Variants in ADGRD1 observed in about 807,000 individuals in gnomAD.
The protein encoded by ADGRD1 is G-protein coupled receptor 133.
ADGRD1 carries 77 observed loss-of-function variants against 113.4 expected under a neutral mutation model. The ratio of observed to expected loss-of-function variants is 0.68; its 90% CI spans 0.57 to 0.82. ADGRD1 has a LOEUF of 0.82. Ranked by LOEUF, ADGRD1 falls within the 40% of genes least tolerant of loss-of-function variation. ADGRD1 has a pLI of 0.00. For synonymous variants in ADGRD1, 474 were observed against 475.0 expected, an observed-to-expected ratio of 1.00 and a Z score of 0.03; for missense variants, 1,036 against 1,139.1, an observed-to-expected ratio of 0.91 and a Z score of 1.30.
At chr12:131,079,885 G>T (rs1267345277) in intron 14 of ADGRD1, among the ~76,000 whole-genome samples, 1 of 151,910 alleles carries the variant, frequency 6.6e-6, no homozygotes, top group Non-Finnish European at 1.5e-5. Context: ...CTTACTATAG[G>T]TTTATTAATT....
chr12:131,036,056 T>G (rs1881333636), intron 13 of ADGRD1, among the ~76,000 whole-genome samples: 1 of 152,176 alleles, frequency 6.6e-6, no homozygotes, highest in African/African-American at 2.4e-5. Context: ...TAAAAAGAAA[T>G]TAACTTTGGT....
At chr12:131,076,651 C>T (rs1885639245) in intron 13 of ADGRD1, 150 bp from the exon 14 acceptor site, 2 of 695,856 alleles carry the variant, frequency 2.9e-6, no homozygotes, top group Admixed American at 2.1e-5. Context: ...TGTGGGACCA[C>T]ACCCACAATG....
At chr12:130,976,385 T>C (rs184609196) in intron 4 of ADGRD1, among the ~76,000 whole-genome samples, 59 of 152,228 alleles carry the variant, frequency 3.9e-4, no homozygotes, top group African/African-American at 1.4e-3. Flanking sequence ...TGTGGCACAG[T>C]GTATCTCCAA....
In ADGRD1 at chr12:131,123,039, G is replaced by GTTTTTTTTTTTTTTTT. The variant is rs552353187; in HGVS notation, c.2175+2145_2175+2160dup. 6.0e-4 allele frequency among the ~76,000 whole-genome samples: 31 copies of GTTTTTTTTTTTTTTTT among 51,370 alleles called. 1 individual carries two copies. Among genetic ancestry groups the GTTTTTTTTTTTTTTTT allele is most frequent in the Middle Eastern group, 0.013 (1 of 78 alleles). The allele number at this position is 51,370 out of a possible 152,430, so 33.7% of individuals were successfully genotyped here. On this transcript the variant is annotated intron_variant, in intron 20 of 24. Transcript: ENST00000261654. ...ATTACATAATTGAATTACCTGGGGAGTTTTTTTTTTTTTTTTTTTTTTTTT... is the reference window on the plus strand; with the variant it reads ...ATTACATAATTGAATTACCTGGGGAGTTTTTTTTTTTTTTTTTTTTTTTTTTTTTTTTTTTTTTTTT...
chr12:131,048,143 C>T (rs1379602143), intron 13 of ADGRD1, among the ~76,000 whole-genome samples: 1 of 152,254 alleles, frequency 6.6e-6, no homozygotes, highest in Non-Finnish European at 1.5e-5. Context: ...GGTCACAGAG[C>T]TCTCTCTGGC....
At chr12:131,053,325 T>C (rs1883568554) in intron 13 of ADGRD1, among the ~76,000 whole-genome samples, 1 of 152,274 alleles carries the variant, frequency 6.6e-6, no homozygotes, top group Non-Finnish European at 1.5e-5. Flanking sequence ...GTGCATGTGC[T>C]GTGGCATGTT....
chr12:130,986,844 G>A (rs1316099040), intron 5 of ADGRD1: 1 of 476,406 alleles, frequency 2.1e-6, no homozygotes, highest in Admixed American at 3.6e-5. Flanking sequence ...TAACTACTAT[G>A]TTAAAATAAC....
chr12:131,015,116 A>G (rs1395669519), intron 13 of ADGRD1, among the ~76,000 whole-genome samples: 2 of 152,216 alleles, frequency 1.3e-5, no homozygotes, highest in Admixed American at 6.5e-5. Context: ...AGGATTTTCT[A>G]TTTCATTCTG....
intron 13 of ADGRD1, among the ~76,000 whole-genome samples, chr12:131,064,886 C>T (rs1884595168): frequency 6.6e-6 from 1 of 152,172 alleles, no homozygotes; most frequent in Admixed American, 6.5e-5. Context: ...TCTGGGTGAG[C>T]GTTCCTGCCT....
In ADGRD1 at chr12:130,982,112, CTTCTCTG is replaced by C. The variant is rs542949797; in HGVS notation, c.490+50_490+56del. ...GAGGCTCTGCCTGGAGGAGTGGAGT[CTTCTCTG>C]AGAATGGACGCTGAGAAGCCCAACG... On this transcript the variant is annotated intron_variant, in intron 5 of 24. Coordinates refer to ENST00000261654, the MANE Select transcript of ADGRD1 (RefSeq NM_198827.5). 5,089 of 1,510,328 alleles carry C rather than the reference CTTCTCTG, an allele frequency of 3.4e-3. 147 individuals are homozygous for C. The African/African-American group carries it at 0.062, about 18-fold the overall frequency. 93.6% of individuals were successfully genotyped at this position (1,510,328 alleles called of 1,614,324 possible). A position where few individuals can be genotyped will look rare whatever the true frequency, so the allele number is the denominator to read the frequency against.
At chr12:131,106,014 G>T in intron 17 of ADGRD1, 149 bp downstream of exon 17, 1 of 656,794 alleles carries the variant, frequency 1.5e-6, no homozygotes, top group Non-Finnish European at 2.7e-6. Flanking sequence ...GGGGGAAGCA[G>T]AGATCGTGAC....
chr12:131,126,960 G>A (rs1328157719), intron 20 of ADGRD1, among the ~76,000 whole-genome samples: 2 of 152,166 alleles, frequency 1.3e-5, no homozygotes, highest in African/African-American at 4.8e-5. Context: ...TGAAATGTCA[G>A]ATTTGTGCCA....
intron 2 of ADGRD1, among the ~76,000 whole-genome samples, chr12:130,961,207 A>G (rs1870313718): frequency 6.6e-6 from 1 of 152,246 alleles, no homozygotes; most frequent in South Asian, 2.1e-4. Context: ...TCTGGAAGAA[A>G]AATGGAAAAG....
intron 15 of ADGRD1, among the ~76,000 whole-genome samples, chr12:131,092,541 C>T (rs1886981628): frequency 6.6e-6 from 1 of 152,184 alleles, no homozygotes; most frequent in Non-Finnish European, 1.5e-5. Context: ...TGCGCTCTTT[C>T]TTCCTGCAGG....
intron 8 of ADGRD1, among the ~76,000 whole-genome samples, chr12:130,996,087 T>G (rs1029015730): frequency 5.9e-5 from 9 of 152,302 alleles, no homozygotes; most frequent in South Asian, 4.1e-4. Context: ...AGAGCACAGG[T>G]TTGGGGGTAA....
chr12:131,120,655 A>C (rs948270956), intron 19 of ADGRD1, 192 bp from the exon 20 acceptor site: 2 of 656,692 alleles, frequency 3.0e-6, no homozygotes, highest in African/African-American at 3.6e-5. Context: ...AAACCTGGAA[A>C]ATCCTTTCCA....
At chr12:131,115,372 A>T (rs1402582268) in intron 18 of ADGRD1, among the ~76,000 whole-genome samples, 2 of 152,102 alleles carry the variant, frequency 1.3e-5, no homozygotes, top group Non-Finnish European at 2.9e-5. Context: ...CCGTGGCCTC[A>T]AGAGCCCCGA....
intron 13 of ADGRD1, among the ~76,000 whole-genome samples, chr12:131,018,509 G>A (rs1191309816): frequency 2.0e-5 from 3 of 151,820 alleles, no homozygotes; most frequent in South Asian, 2.1e-4. Context: ...GCCGCCTCAC[G>A]CAGCGCTTCC....
At chr12:131,036,284 T>A (rs1881368884) in intron 13 of ADGRD1, among the ~76,000 whole-genome samples, 1 of 151,708 alleles carries the variant, frequency 6.6e-6, no homozygotes, top group South Asian at 2.1e-4. Context: ...TGGGTCTCAC[T>A]CACTGCACTG....
Sources: allele counts gnomAD v4.1 joint callset (sites outside exome capture counted in the v4.1 genomes callset), GRCh38; gene constraint gnomAD v4.1.1; transcripts MANE v1.5; gene names NCBI Gene and HGNC (gene_info 2026-07-23, HGNC 2026-07-21).